Variants in RFTN2 observed in about 807,000 individuals in gnomAD.
RFTN2 encodes the protein raftlin-2.
In RFTN2, 34 loss-of-function variants were observed where a neutral mutation model predicts 52.7. The observed-to-expected ratio is 0.64, with a 90% confidence interval of 0.49 to 0.86. RFTN2 has a LOEUF of 0.86. Ranked by LOEUF, RFTN2 falls within the 40% of genes least tolerant of loss-of-function variation. The pLI is 0.00. For missense variants in RFTN2, 536 were observed against 600.1 expected (o/e 0.89, Z 1.12); for synonymous variants, 203 against 217.7 (o/e 0.93, Z 0.59).
In RFTN2 at chr2:197,675,434, C is replaced by T. The variant is rs780978265; in HGVS notation, c.25G>A (p.Glu9Lys). Residue 9 changes from glutamate (E) to lysine (K), a missense_variant, in exon 1 of 9, where the codon GAA becomes AAA. Coordinates refer to ENST00000295049, the MANE Select transcript of RFTN2 (RefSeq NM_144629.3). ...CCAGGGCTGCTATCATCAGGGTCTTCTAGCTTTCTAAGTCCGCACCCCATG... is the reference window on the plus strand; with the variant it reads ...CCAGGGCTGCTATCATCAGGGTCTTTTAGCTTTCTAAGTCCGCACCCCATG... Reference protein sequence around the residue: MGCGLRKLEDPDDSSPGKI... With the variant: MGCGLRKLKDPDDSSPGKI... 4 of 1,597,198 alleles carry T rather than the reference C, an allele frequency of 2.5e-6. No homozygotes were observed. Among genetic ancestry groups the T allele is most frequent in the Non-Finnish European group, 3.4e-6 (4 of 1,172,220 alleles).
chr2:197,572,307 G>A (rs2087332150), intron 8 of RFTN2, 27 bp from the exon 9 acceptor site: 3 of 1,608,134 alleles, frequency 1.9e-6, no homozygotes, highest in East Asian at 4.5e-5. Flanking sequence ...TGGTGACCAG[G>A]AGAGTTAAAA....
chr2:197,610,024 G>C (rs2088029925), intron 7 of RFTN2, among the ~76,000 whole-genome samples: 1 of 152,216 alleles, frequency 6.6e-6, no homozygotes. Flanking sequence ...CTGTAGCCTT[G>C]TAGTATAGTT....
intron 8 of RFTN2, among the ~76,000 whole-genome samples, chr2:197,579,588 G>A (rs1402445149): frequency 6.6e-6 from 1 of 152,146 alleles, no homozygotes; most frequent in Non-Finnish European, 1.5e-5. Context: ...TGAGATGCCT[G>A]ACGTCCAGGC....
intron 5 of RFTN2, 39 bp downstream of exon 5, chr2:197,630,972 A>T (rs1249120757): frequency 5.1e-6 from 7 of 1,364,406 alleles, no homozygotes; most frequent in Non-Finnish European, 7.3e-6. Flanking sequence ...TACAAGTTCA[A>T]ATTCCTCAGA....
At chr2:197,659,282 G>T (rs890058591) in intron 1 of RFTN2, among the ~76,000 whole-genome samples, 1 of 151,250 alleles carries the variant, frequency 6.6e-6, no homozygotes, top group Non-Finnish European at 1.5e-5. Context: ...AGGTGGATCA[G>T]GTGGTCAGGA....
intron 3 of RFTN2, among the ~76,000 whole-genome samples, chr2:197,640,699 G>A (rs1037722601): frequency 1.3e-5 from 2 of 152,178 alleles, no homozygotes; most frequent in African/African-American, 2.4e-5. Flanking sequence ...CGTCTTCTGC[G>A]TCGCTCACGC....
chr2:197,640,068 G>T (rs1384909125), intron 3 of RFTN2, among the ~76,000 whole-genome samples: 1 of 152,222 alleles, frequency 6.6e-6, no homozygotes, highest in African/African-American at 2.4e-5. Flanking sequence ...AGGGGTCAGG[G>T]ACCCACTTGA....
chr2:197,606,288 T>C (rs574604377), intron 7 of RFTN2, among the ~76,000 whole-genome samples: 17 of 152,106 alleles, frequency 1.1e-4, no homozygotes, highest in Non-Finnish European at 2.1e-4. Flanking sequence ...GCCCCTAGAG[T>C]GGGTAAAATA....
chr2:197,611,055 G>T (rs547360090), intron 7 of RFTN2, among the ~76,000 whole-genome samples: 1 of 152,184 alleles, frequency 6.6e-6, no homozygotes, highest in Non-Finnish European at 1.5e-5. Flanking sequence ...GTTCATCAGG[G>T]ATATTGGCCT....
chr2:197,590,319 T>C lies in RFTN2; in HGVS notation c.1233+5672A>G, dbSNP rs146356610. On this transcript the variant is annotated intron_variant, in intron 8 of 8. Coordinates refer to ENST00000295049, the MANE Select transcript of RFTN2 (RefSeq NM_144629.3). ...CTTAATAGCTTAGAGAAAACTGAGG[T>C]AGTAAATGAGGGTCTAAATATTTTG... Among the ~76,000 whole-genome samples, 77 of 152,256 alleles carry C rather than the reference T, an allele frequency of 5.1e-4. 2 individuals are homozygous for C. In the South Asian group the frequency reaches 8.3e-3, roughly 16 times the overall value.
chr2:197,626,591 TTA>T (rs1365046087), intron 5 of RFTN2, among the ~76,000 whole-genome samples: 2 of 77,614 alleles, frequency 2.6e-5, no homozygotes, highest in Admixed American at 1.2e-4. Flanking sequence ...ATAAATAAAG[TTA>T]AAATAAAAAA....
chr2:197,610,474 C>A (rs2088038367), intron 7 of RFTN2, among the ~76,000 whole-genome samples: 1 of 152,186 alleles, frequency 6.6e-6, no homozygotes, highest in Admixed American at 6.5e-5. Flanking sequence ...TATCCTGAGA[C>A]TTTTCTGAAG....
chr2:197,644,012 G>T, intron 3 of RFTN2, 146 bp downstream of exon 3: 2 of 616,628 alleles, frequency 3.2e-6, no homozygotes, highest in Non-Finnish European at 2.9e-6. Flanking sequence ...TTTACCATTT[G>T]GCACAAGTAC....
chr2:197,639,987 G>A (rs559431162), intron 3 of RFTN2, among the ~76,000 whole-genome samples: 10 of 152,056 alleles, frequency 6.6e-5, no homozygotes, highest in Non-Finnish European at 1.5e-4. Context: ...AGGTCTGTTG[G>A]AATACCCTGC....
intron 7 of RFTN2, among the ~76,000 whole-genome samples, chr2:197,607,378 C>T (rs941360682): frequency 2.6e-5 from 4 of 151,772 alleles, no homozygotes; most frequent in Non-Finnish European, 5.9e-5. Flanking sequence ...ATACCTAATG[C>T]TAAATGACGA....
chr2:197,674,481 A>G (rs1214220524), intron 1 of RFTN2, among the ~76,000 whole-genome samples: 1 of 151,968 alleles, frequency 6.6e-6, no homozygotes, highest in Non-Finnish European at 1.5e-5. Context: ...AATTAAAAAT[A>G]TAACTATAAT....
chr2:197,583,414 G>A (rs1273125161), intron 8 of RFTN2, among the ~76,000 whole-genome samples: 2 of 152,150 alleles, frequency 1.3e-5, no homozygotes, highest in Admixed American at 6.6e-5. Flanking sequence ...TAATTCCTCA[G>A]TTTGGCCTTT....
chr2:197,588,904 T>C (rs1299071879), intron 8 of RFTN2, among the ~76,000 whole-genome samples: 2 of 152,018 alleles, frequency 1.3e-5, no homozygotes, highest in East Asian at 1.9e-4. Flanking sequence ...CTCATCATAG[T>C]GAATAAATCT....
chr2:197,595,620 T>C (rs1012276368), intron 8 of RFTN2, among the ~76,000 whole-genome samples: 3 of 152,356 alleles, frequency 2.0e-5, no homozygotes, highest in South Asian at 2.1e-4. Context: ...GACTCTTCAG[T>C]GTGAATTGTC....
Sources: allele counts gnomAD v4.1 joint callset (sites outside exome capture counted in the v4.1 genomes callset), GRCh38; gene constraint gnomAD v4.1.1; transcripts MANE v1.5; gene names NCBI Gene and HGNC (gene_info 2026-07-23, HGNC 2026-07-21).